Variants in CTNNA2 observed in about 807,000 individuals in gnomAD.
CTNNA2 encodes catenin alpha 2.
In CTNNA2, 42 loss-of-function variants were observed where a neutral mutation model predicts 101.0. That is an observed-to-expected ratio of 0.42 (90% CI 0.32 to 0.54). The LOEUF (loss-of-function observed/expected upper bound fraction) is 0.54, where lower values mean the gene tolerates loss of function less well. Ranked by LOEUF, CTNNA2 falls within the 20% of genes least tolerant of loss-of-function variation. The probability of loss-of-function intolerance (pLI) is 0.14; values close to 1 mark genes in which losing one functional copy is unlikely to be tolerated. For missense variants in CTNNA2, 871 were observed against 1,223.1 expected, an observed-to-expected ratio of 0.71 and a Z score of 4.29; for synonymous variants, 450 against 456.4, an observed-to-expected ratio of 0.99 and a Z score of 0.18.
At chr2:80,294,239 G>A (rs941357764) in intron 7 of CTNNA2, among the ~76,000 whole-genome samples, 1 of 152,162 alleles carries the variant, frequency 6.6e-6, no homozygotes, top group East Asian at 1.9e-4. Context: ...ACAAGTTTAT[G>A]TCTGCCTTGT....
Position 79,818,821 on chromosome 2 carries a change from T to TTATATATATATATATA in CTNNA2, c.299-39180_299-39165dup, listed in dbSNP as rs372924495. On this transcript the variant is annotated intron_variant, in intron 3 of 18. Coordinates refer to ENST00000402739, the MANE Select transcript of CTNNA2 (RefSeq NM_001282597.3). ...ATATACTTCAGGATCCAAAATGCAA[T>TTATATATATATATATA]TATATATATATATATATATATATAT... Among the ~76,000 whole-genome samples, 333 of 74,038 alleles carry TTATATATATATATATA rather than the reference T, an allele frequency of 4.5e-3. 4 individuals carry two copies. Among genetic ancestry groups the TTATATATATATATATA allele is most frequent in the African/African-American group, 0.023 (310 of 13,392 alleles). 48.6% of individuals were successfully genotyped at this position (74,038 alleles called of 152,430 possible). A position where few individuals can be genotyped will look rare whatever the true frequency, so the allele number is the denominator to read the frequency against.
chr2:79,407,373 C>A (rs1678351437), intron 4 of CTNNA2, among the ~76,000 whole-genome samples: 1 of 151,934 alleles, frequency 6.6e-6, no homozygotes, highest in African/African-American at 2.4e-5. Context: ...GCCTTCAAAC[C>A]AATTTGGGGG....
intron 4 of CTNNA2, among the ~76,000 whole-genome samples, chr2:79,428,609 C>G (rs1454151378): frequency 1.3e-5 from 2 of 151,250 alleles, no homozygotes; most frequent in African/African-American, 4.9e-5. Flanking sequence ...AACAAAATAA[C>G]AAAAAAAAGA....
intron 7 of CTNNA2, among the ~76,000 whole-genome samples, chr2:80,051,723 C>G (rs889474390): frequency 6.6e-6 from 1 of 151,968 alleles, no homozygotes; most frequent in African/African-American, 2.4e-5. Flanking sequence ...ATTGCTCATG[C>G]CATTTTCTTG....
At chr2:79,348,135 A>T (rs1226529000) in intron 3 of CTNNA2, among the ~76,000 whole-genome samples, 2 of 152,184 alleles carry the variant, frequency 1.3e-5, no homozygotes, top group East Asian at 3.9e-4. Context: ...ACCAAACAAC[A>T]AAATGCAAAA....
chr2:80,594,094 T>A (rs949517735), intron 15 of CTNNA2, among the ~76,000 whole-genome samples: 9 of 152,142 alleles, frequency 5.9e-5, no homozygotes, highest in South Asian at 4.1e-4. Flanking sequence ...CCACCAGCAA[T>A]ACACAAGTGT....
chr2:79,814,405 C>T (rs1300114308), intron 3 of CTNNA2, among the ~76,000 whole-genome samples: 2 of 152,066 alleles, frequency 1.3e-5, no homozygotes, highest in African/African-American at 2.4e-5. Context: ...TCACCTTTCC[C>T]TCCAAATCCC....
intron 7 of CTNNA2, among the ~76,000 whole-genome samples, chr2:80,213,135 T>A (rs1708011703): frequency 6.6e-6 from 1 of 152,160 alleles, no homozygotes; most frequent in African/African-American, 2.4e-5. Context: ...TAGCGGCCCA[T>A]CAATTTTGTT....
At chr2:80,206,419 A>T (rs1017739524) in intron 7 of CTNNA2, among the ~76,000 whole-genome samples, 1 of 152,234 alleles carries the variant, frequency 6.6e-6, no homozygotes, top group Admixed American at 6.5e-5. Flanking sequence ...TATGACTTGC[A>T]CATATAGGGA....
At chr2:79,866,781 A>C (rs1013438049) in intron 4 of CTNNA2, among the ~76,000 whole-genome samples, 38 of 152,300 alleles carry the variant, frequency 2.5e-4, no homozygotes, top group African/African-American at 9.1e-4. Flanking sequence ...TGCTAAGCAA[A>C]TGTATGATTT....
rs111576343 is a variant in CTNNA2 at position 80,294,351 on chromosome 2, C to T, written c.1057-98860C>T. ...AATTCTAAGTACACCGATGCTTGCA[C>T]GTCTTTCTTCTATCAGTGCCACCAG... On this transcript the variant is annotated intron_variant, in intron 7 of 18. Transcript: ENST00000402739. Among the ~76,000 whole-genome samples the T allele has an allele frequency of 6.4e-3, 976 of 152,250 alleles. 11 individuals are homozygous for T. Among genetic ancestry groups the T allele is most frequent in the African/African-American group, 0.023 (942 of 41,534 alleles).
At chr2:80,558,512 T>C (rs971216224) in intron 12 of CTNNA2, among the ~76,000 whole-genome samples, 8 of 151,784 alleles carry the variant, frequency 5.3e-5, no homozygotes. Context: ...TCTAAAGTGA[T>C]TTACTTCTAA....
chr2:79,456,939 C>G (rs1364702731), intron 4 of CTNNA2, among the ~76,000 whole-genome samples: 1 of 152,104 alleles, frequency 6.6e-6, no homozygotes, highest in South Asian at 2.1e-4. Flanking sequence ...TGGTGGCTCA[C>G]GCCTGTAATC....
chr2:80,331,453 A>T (rs1671324774), intron 7 of CTNNA2, among the ~76,000 whole-genome samples: 1 of 152,182 alleles, frequency 6.6e-6, no homozygotes, highest in African/African-American at 2.4e-5. Context: ...ATAGGGTTGC[A>T]CATCAAAGCA....
intron 9 of CTNNA2, among the ~76,000 whole-genome samples, chr2:80,537,248 C>A (rs2149608258): frequency 6.6e-6 from 1 of 152,284 alleles, no homozygotes; most frequent in Non-Finnish European, 1.5e-5. Context: ...CTGAAAAGAA[C>A]ATGAACCCAT....
At chr2:79,232,152 G>A (rs1002933878) in intron 2 of CTNNA2, among the ~76,000 whole-genome samples, 2 of 152,110 alleles carry the variant, frequency 1.3e-5, no homozygotes, top group Non-Finnish European at 2.9e-5. Flanking sequence ...CAAGGGGAAT[G>A]GTTCAGTTTT....
At chr2:80,643,898 G>GCTATGA in intron 18 of CTNNA2, among the ~76,000 whole-genome samples, 1 of 152,292 alleles carries the variant, frequency 6.6e-6, no homozygotes, top group Non-Finnish European at 1.5e-5. Context: ...AAGGATTTGG[G>GCTATGA]CTATGAGGAT....
intron 7 of CTNNA2, among the ~76,000 whole-genome samples, chr2:80,045,140 G>A (rs1696431982): frequency 6.6e-6 from 1 of 152,144 alleles, no homozygotes; most frequent in African/African-American, 2.4e-5. Context: ...TCCCAAGGGG[G>A]CCAGGCAAAG....
chr2:79,714,287 A>G (rs1685930709), intron 2 of CTNNA2, among the ~76,000 whole-genome samples: 1 of 152,016 alleles, frequency 6.6e-6, no homozygotes, highest in Non-Finnish European at 1.5e-5. Flanking sequence ...TTGAGATGAT[A>G]TATTTAACAT....
Sources: gnomAD v4.1 joint callset for allele counts (sites outside exome capture counted in the v4.1 genomes callset) on GRCh38, gnomAD v4.1.1 for gene constraint, MANE v1.5 for transcripts, NCBI Gene and HGNC (gene_info 2026-07-23, HGNC 2026-07-21) for gene names.